The following EML6 variants were observed in gnomAD, a reference collection of about 807,000 sequenced individuals.
EML6 encodes the protein echinoderm microtubule-associated protein-like 6.
EML6 carries 154 observed loss-of-function variants against 240.1 expected under a neutral mutation model. That is an observed-to-expected ratio of 0.64 (90% confidence interval 0.56 to 0.73). The LOEUF is 0.73. EML6 is among the 30% of genes least tolerant of loss of function. The pLI is 0.00. For synonymous variants in EML6, 1,148 were observed against 899.0 expected (o/e 1.28, Z -4.95); for missense variants, 2,964 against 2,474.6 (o/e 1.20, Z -4.20).
intron 35 of EML6, 47 bp from the exon 36 acceptor site, chr2:54,962,476 G>A: frequency 1.4e-6 from 2 of 1,411,734 alleles, no homozygotes; most frequent in Non-Finnish European, 1.9e-6. Flanking sequence ...TATGAGTGCA[G>A]TCATACAGTA....
At chr2:54,960,418 G>T (rs1558728946) in intron 35 of EML6, 84 bp downstream of exon 35, 2 of 1,020,654 alleles carry the variant, frequency 2.0e-6, no homozygotes, top group East Asian at 5.2e-5. Context: ...TCTCTGGGCT[G>T]GTTTGTTTAC....
intron 24 of EML6, among the ~76,000 whole-genome samples, chr2:54,907,902 AGAT>A (rs1673407966): frequency 2.2e-5 from 1 of 44,836 alleles, no homozygotes; most frequent in Non-Finnish European, 5.5e-5. Context: ...TAGATAGATT[AGAT>A]AGATAGATAG....
intron 5 of EML6, among the ~76,000 whole-genome samples, chr2:54,826,999 C>A (rs568368866): frequency 6.6e-6 from 1 of 152,080 alleles, no homozygotes; most frequent in South Asian, 2.1e-4. Context: ...ATGGAGAAAC[C>A]CTGTCTCTAC....
chr2:54,895,359 C>G lies in EML6; in HGVS notation c.2941C>G (p.Leu981Val), dbSNP rs1672707561. Reference sequence around the variant, plus strand: ...GGTGGGAACAAAAAATGGAGAGATTCTGGAAATTGATAAGAGTGGCCCAAT... The same window carrying G: ...GGTGGGAACAAAAAATGGAGAGATTGTGGAAATTGATAAGAGTGGCCCAAT... ...ILVGTKNGEI[L>V]EIDKSGPMTL... The change falls in exon 21 of 42, where the codon CTG becomes GTG. Residue 981 changes from leucine (L) to valine (V), a missense_variant. Physicochemically the swap from Leu to Val is conservative, Grantham distance 32. Transcript: ENST00000356458. 1.9e-6 allele frequency: 3 copies of G among 1,551,880 alleles called. No homozygotes were observed. The highest frequency in any genetic ancestry group is 2.7e-5 in the African/African-American group (2 of 73,004).
intron 17 of EML6, among the ~76,000 whole-genome samples, chr2:54,887,519 T>C (rs1672214052): frequency 1.3e-5 from 2 of 152,244 alleles, no homozygotes; most frequent in South Asian, 4.1e-4. Flanking sequence ...GTTTATATTT[T>C]TATGTGGTTA....
At chr2:54,919,966 T>C (rs1242092132) in intron 26 of EML6, among the ~76,000 whole-genome samples, 1 of 152,342 alleles carries the variant, frequency 6.6e-6, no homozygotes, top group South Asian at 2.1e-4. Context: ...AAGATTTTAT[T>C]GTGAAGATTT....
intron 7 of EML6, among the ~76,000 whole-genome samples, chr2:54,834,068 G>C (rs1055833586): frequency 2.6e-5 from 4 of 152,108 alleles, no homozygotes. Context: ...GTATGGGGTG[G>C]TTGTCCTCCA....
chr2:54,736,965 T>G (rs944812285), intron 2 of EML6, among the ~76,000 whole-genome samples: 1 of 152,152 alleles, frequency 6.6e-6, no homozygotes, highest in South Asian at 2.1e-4. Context: ...TAAAACAGAT[T>G]GAGGGAATGT....
At chr2:54,945,847 C>T (rs932811134) in intron 28 of EML6, among the ~76,000 whole-genome samples, 3 of 152,240 alleles carry the variant, frequency 2.0e-5, no homozygotes, top group Non-Finnish European at 2.9e-5. Context: ...TTCTCTTCAG[C>T]AGCCCAGCGC....
intron 2 of EML6, among the ~76,000 whole-genome samples, chr2:54,791,265 G>C (rs1462935710): frequency 6.6e-6 from 1 of 152,194 alleles, no homozygotes; most frequent in East Asian, 1.9e-4. Context: ...CACAGTTACA[G>C]TCCTGCCGGT....
intron 2 of EML6, among the ~76,000 whole-genome samples, chr2:54,748,628 T>C (rs988723323): frequency 6.6e-6 from 1 of 152,086 alleles, no homozygotes; most frequent in Non-Finnish European, 1.5e-5. Flanking sequence ...GGTAGGATCA[T>C]GGCTCACTGC....
chr2:54,916,976 T>C (rs1369884749), intron 26 of EML6, 41 bp downstream of exon 26: 16 of 1,415,724 alleles, frequency 1.1e-5, no homozygotes, highest in African/African-American at 1.4e-5. Flanking sequence ...CTCAGTCTCC[T>C]TAATAACCTT....
chr2:54,829,997 T>G (rs964508123), intron 7 of EML6, among the ~76,000 whole-genome samples: 1 of 152,156 alleles, frequency 6.6e-6, no homozygotes, highest in East Asian at 1.9e-4. Context: ...ATCTATAAAA[T>G]GGAGATAATA....
intron 28 of EML6, among the ~76,000 whole-genome samples, chr2:54,929,067 G>A (rs1361505910): frequency 6.6e-6 from 1 of 152,218 alleles, no homozygotes; most frequent in African/African-American, 2.4e-5. Context: ...CCTGACTGTG[G>A]CAGCTGACAG....
At chr2:54,947,981 C>T (rs1354394078) in intron 28 of EML6, among the ~76,000 whole-genome samples, 2 of 152,224 alleles carry the variant, frequency 1.3e-5, no homozygotes, top group Non-Finnish European at 2.9e-5. Flanking sequence ...AAGTTTCTCA[C>T]TTGGCTTTGT....
rs188704831 is a variant in EML6, at chr2:54,961,006, A to G, written c.4968+672A>G. ...TACCTTGTGTTTGTTTTTAAATATC[A>G]GTCTAAGAATTTGCTTTCTAGATGC... On this transcript the variant is annotated intron_variant, in intron 35 of 41. Transcript: ENST00000356458. Among the ~76,000 whole-genome samples the G allele has an allele frequency of 7.6e-4, 116 of 152,004 alleles. No individual in the cohort carries two copies. The Middle Eastern group carries it at 0.014, about 18-fold the overall frequency.
chr2:54,814,968 G>C (rs1034821878), intron 3 of EML6, among the ~76,000 whole-genome samples: 3 of 152,180 alleles, frequency 2.0e-5, no homozygotes, highest in African/African-American at 7.2e-5. Context: ...TTGACTTCCT[G>C]AATAAACTGA....
chr2:54,756,172 A>G (rs946038079), intron 2 of EML6, among the ~76,000 whole-genome samples: 1 of 152,062 alleles, frequency 6.6e-6, no homozygotes, highest in Non-Finnish European at 1.5e-5. Flanking sequence ...CAAATTGGTA[A>G]ATGCCCCAAG....
chr2:54,952,353 G>A (rs1457112658), intron 30 of EML6, among the ~76,000 whole-genome samples: 3 of 152,106 alleles, frequency 2.0e-5, no homozygotes, highest in Admixed American at 1.3e-4. Flanking sequence ...GTATCGAAGA[G>A]CAGCTTGAGT....
Sources: allele counts gnomAD v4.1 joint callset (sites outside exome capture counted in the v4.1 genomes callset), GRCh38; gene constraint gnomAD v4.1.1; transcripts MANE v1.5; gene names NCBI Gene and HGNC (gene_info 2026-07-23, HGNC 2026-07-21).